PIK3R3: variants seen among roughly 807,000 people sequenced by gnomAD.
PIK3R3 encodes phosphatidylinositol 3-kinase regulatory subunit gamma.
PIK3R3 carries 64 observed loss-of-function variants against 62.9 expected under a neutral mutation model. That is an observed-to-expected ratio of 1.02 (90% CI 0.83 to 1.25). PIK3R3 has a LOEUF of 1.25. PIK3R3 is among the 50% of genes most tolerant of loss of function. PIK3R3 has a pLI of 0.00. For synonymous variants in PIK3R3, 165 were observed against 189.0 expected (o/e 0.87, Z 1.04); for missense variants, 614 against 561.6 (o/e 1.09, Z -0.94).
At chr1:46,101,980 CTTTTTT>C (rs538688681) in intron 1 of PIK3R3, among the ~76,000 whole-genome samples, 14 of 89,928 alleles carry the variant, frequency 1.6e-4, no homozygotes, top group African/African-American at 1.8e-4. Flanking sequence ...GAATTGTATA[CTTTTTT>C]TTTTTTTTTT....
chr1:46,142,693 G>A, the PIK3R3 span, among the ~76,000 whole-genome samples: 7 of 150,644 alleles, frequency 4.6e-5, no homozygotes, highest in Admixed American at 6.6e-5. Context: ...GCAAGACTCC[G>A]TCTCAAAATA....
At position 46,042,098 on chromosome 1, in the gene PIK3R3, G is replaced by A. The variant is rs545659326; in HGVS notation, c.*1575C>T. ...GGTTCAAACAGCTGACTCACTCTGA[G>A]CCTATTATGGTCCCAGGATTGGCTC... On this transcript the variant is annotated 3_prime_UTR_variant, in exon 10 of 10. Coordinates refer to ENST00000262741, the MANE Select transcript of PIK3R3 (RefSeq NM_003629.4). This position sits in a 1 kb window ranked among gnomAD's most constrained non-coding sequence, Gnocchi z 4.3. The A allele has an allele frequency of 3.2e-4, 70 of 221,954 alleles. No individual in the cohort carries two copies. Among genetic ancestry groups the A allele is most frequent in the African/African-American group, 1.5e-3 (69 of 44,834 alleles). The allele number at this position is 221,954 out of a possible 1,614,324, so 13.7% of individuals were successfully genotyped here.
intron 1 of PIK3R3, among the ~76,000 whole-genome samples, chr1:46,123,186 T>A (rs919089183): frequency 6.6e-6 from 1 of 152,174 alleles, no homozygotes; most frequent in Non-Finnish European, 1.5e-5. Flanking sequence ...ATATAACACA[T>A]GATTCCAAGT....
At chr1:46,101,856 C>T (rs1464795671) in intron 1 of PIK3R3, among the ~76,000 whole-genome samples, 3 of 151,776 alleles carry the variant, frequency 2.0e-5, no homozygotes, top group Admixed American at 6.6e-5. Flanking sequence ...CTGCACAACA[C>T]TGTAAAAGTA....
the PIK3R3 span, among the ~76,000 whole-genome samples, chr1:46,153,599 C>T: frequency 6.6e-6 from 1 of 152,214 alleles, no homozygotes; most frequent in Non-Finnish European, 1.5e-5. Flanking sequence ...TGACTTCCTC[C>T]TCTCTTTCCC....
chr1:46,079,536 A>T (rs1001414000), intron 2 of PIK3R3, among the ~76,000 whole-genome samples: 1 of 152,234 alleles, frequency 6.6e-6, no homozygotes, highest in Non-Finnish European at 1.5e-5. Context: ...AAGGTACAGA[A>T]ATGTTAAGTA....
At chr1:46,085,917 A>G (rs921833680) in intron 1 of PIK3R3, among the ~76,000 whole-genome samples, 4 of 152,294 alleles carry the variant, frequency 2.6e-5, no homozygotes, top group East Asian at 3.9e-4. Flanking sequence ...GTTTTTTTCA[A>G]AATTGTGAGA....
intron 1 of PIK3R3, among the ~76,000 whole-genome samples, chr1:46,119,938 C>G (rs952359010): frequency 3.3e-5 from 5 of 152,018 alleles, no homozygotes; most frequent in African/African-American, 9.7e-5. Context: ...CCACCATGCA[C>G]AGCTAATTTT....
chr1:46,110,998 C>T (rs918141327), intron 1 of PIK3R3, among the ~76,000 whole-genome samples: 3 of 151,976 alleles, frequency 2.0e-5, no homozygotes, highest in Admixed American at 6.6e-5. Flanking sequence ...TAGAGCCAAA[C>T]ATACTAGAGC....
intron 1 of PIK3R3, among the ~76,000 whole-genome samples, chr1:46,081,518 G>T (rs776192466): frequency 1.3e-4 from 20 of 152,184 alleles, no homozygotes; most frequent in South Asian, 4.1e-4. Context: ...GATCGAGGTT[G>T]TGTGATCCTT....
intron 1 of PIK3R3, among the ~76,000 whole-genome samples, chr1:46,126,441 G>A (rs956422799): frequency 6.6e-6 from 1 of 151,838 alleles, no homozygotes; most frequent in Non-Finnish European, 1.5e-5. Flanking sequence ...AGGTGGCTGA[G>A]GCAGGAGAAT....
chr1:46,075,839 A>G (rs900831276), intron 3 of PIK3R3, among the ~76,000 whole-genome samples: 13 of 152,272 alleles, frequency 8.5e-5, no homozygotes, highest in African/African-American at 3.1e-4. Context: ...TCCAATTCCT[A>G]AAGCCTCAGA....
At chr1:46,084,094 G>A (rs1357402881) in intron 1 of PIK3R3, among the ~76,000 whole-genome samples, 3 of 152,136 alleles carry the variant, frequency 2.0e-5, no homozygotes, top group Non-Finnish European at 4.4e-5. Context: ...CAATAGAAAG[G>A]AATGAGGTAC....
At chr1:46,099,270 C>A (rs1381485082) in intron 1 of PIK3R3, among the ~76,000 whole-genome samples, 1 of 152,156 alleles carries the variant, frequency 6.6e-6, no homozygotes, top group East Asian at 1.9e-4. Context: ...ACACAAAGAT[C>A]AATCAGAGAG....
At chr1:46,075,559 T>C (rs1002348966) in intron 3 of PIK3R3, among the ~76,000 whole-genome samples, 3 of 151,930 alleles carry the variant, frequency 2.0e-5, no homozygotes, top group Admixed American at 1.3e-4. Flanking sequence ...GAGGTTAAGG[T>C]TGCAGTGAGC....
At chr1:46,067,121 T>C (rs1649075141) in intron 3 of PIK3R3, 30 bp from the exon 4 acceptor site, 4 of 1,496,840 alleles carry the variant, frequency 2.7e-6, no homozygotes, top group Non-Finnish European at 3.6e-6. Context: ...AACTGTGGAT[T>C]TTTTTCCCCC....
the PIK3R3 span, among the ~76,000 whole-genome samples, chr1:46,165,751 CTTTTTTTTTTTTTTTTTTTTTTTTTT>C: frequency 1.5e-4 from 6 of 39,540 alleles, no homozygotes; most frequent in Non-Finnish European, 2.3e-4. Context: ...CTGCTTTGTC[CTTTTTTTTTTTTTTTTTTTTTTTTTT>C]TTTTTTTTTT....
the PIK3R3 span, among the ~76,000 whole-genome samples, chr1:46,164,737 A>T: frequency 2.0e-5 from 3 of 151,958 alleles, no homozygotes; most frequent in Non-Finnish European, 2.9e-5. Flanking sequence ...CCTGTCTTAC[A>T]CCTGTAGTTT....
chr1:46,166,399 T>A, the PIK3R3 span, among the ~76,000 whole-genome samples: 5 of 151,860 alleles, frequency 3.3e-5, no homozygotes, highest in African/African-American at 1.2e-4. Context: ...ATTTTTGTAT[T>A]TTTAGTAGAG....
Sources: gnomAD v4.1 joint callset for allele counts (sites outside exome capture counted in the v4.1 genomes callset) on GRCh38, gnomAD v4.1.1 for gene constraint, Gnocchi (gnomAD v3.1) non-coding constraint, MANE v1.5 for transcripts, NCBI Gene and HGNC (gene_info 2026-07-23, HGNC 2026-07-21) for gene names.